SUPT3H: variants seen among roughly 807,000 people sequenced by gnomAD.
The protein encoded by SUPT3H is SPT3 homolog, SAGA and STAGA complex component, also known as transcription initiation protein SPT3 homolog.
A neutral mutation model predicts 44.3 loss-of-function variants in SUPT3H; 44 were observed. The ratio of observed to expected loss-of-function variants is 0.99; its 90% CI spans 0.78 to 1.28. SUPT3H has a LOEUF of 1.28. Ranked by LOEUF, SUPT3H falls within the 50% of genes most tolerant of loss-of-function variation. SUPT3H has a pLI of 0.00. For synonymous variants in SUPT3H, 124 were observed against 125.6 expected (o/e 0.99, Z 0.09); for missense variants, 380 against 387.1 (o/e 0.98, Z 0.15).
chr6:45,214,649 C>A (rs1326683443), intron 2 of SUPT3H, among the ~76,000 whole-genome samples: 1 of 152,100 alleles, frequency 6.6e-6, no homozygotes, highest in African/African-American at 2.4e-5. Flanking sequence ...GAGTTGAAGA[C>A]CAGCCTGAGC....
chr6:44,938,228 T>C (rs1047587372), intron 9 of SUPT3H, among the ~76,000 whole-genome samples: 3 of 152,110 alleles, frequency 2.0e-5, no homozygotes, highest in Admixed American at 1.3e-4. Context: ...TAAGTCTTTA[T>C]TCCATCTTGA....
At chr6:45,229,621 C>T (rs976664187) in intron 2 of SUPT3H, among the ~76,000 whole-genome samples, 3 of 152,026 alleles carry the variant, frequency 2.0e-5, no homozygotes, top group Non-Finnish European at 2.9e-5. Flanking sequence ...ACAACTATTC[C>T]GAGAACACAT....
chr6:44,811,862 T>C (rs12210217), intron 11 of SUPT3H, among the ~76,000 whole-genome samples: 38,866 of 151,046 alleles, frequency 0.26, 5,191 homozygotes, highest in Non-Finnish European at 0.28. Flanking sequence ...GGTTGGTCTT[T>C]TTTTTTTTTT....
intron 10 of SUPT3H, among the ~76,000 whole-genome samples, chr6:44,917,678 C>G (rs1768026194): frequency 6.6e-6 from 1 of 152,150 alleles, no homozygotes. Flanking sequence ...TAAATACCTC[C>G]AGGCTAGGTG....
chr6:44,878,697 T>C (rs1213037011), intron 10 of SUPT3H, among the ~76,000 whole-genome samples: 1 of 151,804 alleles, frequency 6.6e-6, no homozygotes, highest in Non-Finnish European at 1.5e-5. Flanking sequence ...AGAAGGCGGG[T>C]GATTTCTGCA....
At chr6:44,819,768 C>A (rs562519713) in intron 11 of SUPT3H, among the ~76,000 whole-genome samples, 2 of 150,358 alleles carry the variant, frequency 1.3e-5, no homozygotes, top group Admixed American at 1.3e-4. Context: ...AGAGTAAGAC[C>A]CTGTATCAAA....
intron 6 of SUPT3H, among the ~76,000 whole-genome samples, chr6:44,988,407 A>C (rs180918082): frequency 1.3e-5 from 2 of 151,286 alleles, no homozygotes; most frequent in African/African-American, 4.8e-5. Flanking sequence ...GAAACATATA[A>C]AACACCCAGC....
intron 2 of SUPT3H, among the ~76,000 whole-genome samples, chr6:45,230,583 A>G (rs1767781400): frequency 1.1e-5 from 1 of 89,720 alleles, no homozygotes; most frequent in African/African-American, 4.9e-5. Context: ...CTTTACTTTC[A>G]GTCTGTATGT....
At chr6:45,198,123 T>A (rs1816387766) in intron 2 of SUPT3H, among the ~76,000 whole-genome samples, 2 of 151,418 alleles carry the variant, frequency 1.3e-5, no homozygotes, top group Non-Finnish European at 3.0e-5. Context: ...ATTTTTACTT[T>A]AAAATGATAC....
chr6:45,114,579 C>T (rs1800565762), intron 2 of SUPT3H, among the ~76,000 whole-genome samples: 1 of 152,050 alleles, frequency 6.6e-6, no homozygotes, highest in African/African-American at 2.4e-5. Flanking sequence ...TAAAACTCAT[C>T]TACAGTGCAT....
At chr6:45,318,829 A>G (rs1407915385) in intron 2 of SUPT3H, among the ~76,000 whole-genome samples, 2 of 152,152 alleles carry the variant, frequency 1.3e-5, no homozygotes, top group African/African-American at 4.8e-5. Flanking sequence ...TGAAATAAAT[A>G]AAGTAAATCT....
intron 2 of SUPT3H, among the ~76,000 whole-genome samples, chr6:45,208,678 C>T: frequency 6.7e-6 from 1 of 148,446 alleles, no homozygotes; most frequent in East Asian, 2.0e-4. Flanking sequence ...GAGTGAAGAT[C>T]ATACCACTGT....
intron 3 of SUPT3H, among the ~76,000 whole-genome samples, chr6:45,104,208 T>C (rs917968880): frequency 6.6e-6 from 1 of 152,268 alleles, no homozygotes; most frequent in Non-Finnish European, 1.5e-5. Context: ...TTTATCTACA[T>C]TCCTTAAAAG....
chr6:44,995,080 A>C (rs769047219), intron 6 of SUPT3H, among the ~76,000 whole-genome samples: 1 of 152,032 alleles, frequency 6.6e-6, no homozygotes, highest in Non-Finnish European at 1.5e-5. Flanking sequence ...ATGTAATATT[A>C]TACCTATACA....
intron 2 of SUPT3H, among the ~76,000 whole-genome samples, chr6:45,258,639 C>T (rs1025113990): frequency 1.3e-5 from 2 of 152,104 alleles, no homozygotes; most frequent in Non-Finnish European, 2.9e-5. Flanking sequence ...GACTTCACAA[C>T]AAAGGAAGCA....
intron 3 of SUPT3H, among the ~76,000 whole-genome samples, chr6:45,084,063 C>T (rs1796171629): frequency 6.6e-6 from 1 of 152,086 alleles, no homozygotes; most frequent in African/African-American, 2.4e-5. Context: ...CATGAAACAC[C>T]ACTTTGGACA....
At chr6:45,262,964 T>C (rs1037604382) in intron 2 of SUPT3H, among the ~76,000 whole-genome samples, 26 of 152,026 alleles carry the variant, frequency 1.7e-4, no homozygotes, top group African/African-American at 5.3e-4. Context: ...GTCAGAATCG[T>C]TGTTATTAAA....
chr6:44,861,709 A>C (rs934091479), intron 10 of SUPT3H, among the ~76,000 whole-genome samples: 21 of 152,076 alleles, frequency 1.4e-4, no homozygotes, highest in African/African-American at 5.1e-4. Flanking sequence ...GTTTTCTAAT[A>C]TAAAAATTGA....
At chr6:45,104,281 A>T (rs1215041105) in intron 3 of SUPT3H, among the ~76,000 whole-genome samples, 1 of 152,142 alleles carries the variant, frequency 6.6e-6, no homozygotes, top group South Asian at 2.1e-4. Flanking sequence ...ACATAGATTT[A>T]ACATGAATAA....
Sources: allele counts gnomAD v4.1 joint callset (sites outside exome capture counted in the v4.1 genomes callset), GRCh38; gene constraint gnomAD v4.1.1; transcripts MANE v1.5; gene names NCBI Gene and HGNC (gene_info 2026-07-23, HGNC 2026-07-21).